Variants in STAG3 observed in about 807,000 individuals in gnomAD.
The protein encoded by STAG3 is STAG3 cohesin complex component.
STAG3 carries 101 observed loss-of-function variants against 160.7 expected under a neutral mutation model. The ratio of observed to expected loss-of-function variants is 0.63; its 90% CI spans 0.54 to 0.74. The LOEUF is 0.74. Ranked by LOEUF, STAG3 falls within the 30% of genes least tolerant of loss-of-function variation. The probability of loss-of-function intolerance (pLI) is 0.00; values close to 1 mark genes in which losing one functional copy is unlikely to be tolerated. For missense variants in STAG3, 1,188 were observed against 1,517.4 expected, an observed-to-expected ratio of 0.78 and a Z score of 3.61; for synonymous variants, 519 against 585.0, an observed-to-expected ratio of 0.89 and a Z score of 1.63.
Position 100,186,244 on chromosome 7 carries a change from T to C in STAG3, c.381T>C (p.Asp127=), listed in dbSNP as rs373083733. ...EWLDSYKQDQ[D]AGFLELVNFF... is the part of the protein sequence containing the mutation. ...TGGATAGCTACAAGCAAGACCAGGA[T>C]GCAGGATTTCTGGAGCTTGTTAACT... The change falls in exon 5 of 34, where the codon GAT becomes GAC. Residue 127 remains aspartate, a synonymous_variant. Transcript: ENST00000615138. 1.9e-6 allele frequency: 3 copies of C among 1,614,182 alleles called. No homozygotes were observed. Among genetic ancestry groups the C allele is most frequent in the Middle Eastern group, 1.6e-4 (1 of 6,062 alleles).
Position 100,201,258 on chromosome 7 carries a change from C to A in STAG3, c.2133-6C>A. 1.2e-6 allele frequency: 2 copies of A among 1,614,112 alleles called. No homozygotes were observed. Among genetic ancestry groups the A allele is most frequent in the Non-Finnish European group, 1.7e-6 (2 of 1,180,008 alleles). On this transcript the variant is annotated splice_region_variant and splice_polypyrimidine_tract_variant and intron_variant, in intron 20 of 33. Coordinates refer to ENST00000615138, the MANE Select transcript of STAG3 (RefSeq NM_001282717.2). The stretch of plus-strand genomic sequence containing the variant: ...CCAGTATAACATTCCCCTTTCTCCC[C>A]CAAAGCACTCATGACCTGACTCGCT...
At position 100,180,525 on chromosome 7, in the gene STAG3, C is replaced by A; in HGVS notation, c.-32C>A. On this transcript the variant is annotated 5_prime_UTR_variant, in exon 2 of 34. Coordinates refer to ENST00000615138, the MANE Select transcript of STAG3 (RefSeq NM_001282717.2). The stretch of plus-strand genomic sequence containing the variant: ...GCCATACCTACCCTGTGGTCCTCAT[C>A]TTCCTGGCCTCATAGCTCCTCCTCT... 7.3e-7 allele frequency: 1 copy of A among 1,367,020 alleles called. No homozygotes were observed. The allele number at this position is 1,367,020 out of a possible 1,614,324, so 84.7% of individuals were successfully genotyped here.
rs945007360 is a variant in STAG3, at chr7:100,189,460, C to T, written c.731C>T (p.Thr244Ile). The T allele has an allele frequency of 1.4e-5, 23 of 1,613,506 alleles. No individual in the cohort carries two copies. The highest frequency in any genetic ancestry group is 1.9e-5 in the Non-Finnish European group (23 of 1,179,892). ...TSTLAAMKLMTSLVKVALQLS... is the reference protein window; with the variant it reads ...TSTLAAMKLMISLVKVALQLS... ...TTTCTCAAAGCTATGAAACTGATGA[C>T]CTCCCTGGTAAAAGTTGCCCTCCAA... Residue 244 changes from threonine (T) to isoleucine (I), a missense_variant, in exon 8 of 34, where the codon ACC (threonine) becomes ATC (isoleucine). Coordinates refer to ENST00000615138, the MANE Select transcript of STAG3 (RefSeq NM_001282717.2).
chr7:100,195,469 C>A, intron 9 of STAG3, 87 bp downstream of exon 9: 2 of 1,281,650 alleles, frequency 1.6e-6, no homozygotes, highest in Non-Finnish European at 2.2e-6. Context: ...CCCTCCAACC[C>A]TTAGTTATTT....
In STAG3 at chr7:100,211,431, C is replaced by T. The variant is rs768243292; in HGVS notation, c.3414-4C>T. On this transcript the variant is annotated splice_polypyrimidine_tract_variant and splice_region_variant and intron_variant, in intron 30 of 33. Transcript: ENST00000615138. The stretch of plus-strand genomic sequence containing the variant: ...TCCCATCATTGATCCTGCTTCATTC[C>T]CAGCAGTCAGCCCGTCGCAGGCACC... 7 of 1,613,072 alleles carry T rather than the reference C, an allele frequency of 4.3e-6. No individual in the cohort carries two copies. The Admixed American group carries it at 1.0e-4, about 23-fold the overall frequency.
chr7:100,199,929 G>A (rs1171057889), intron 16 of STAG3, among the ~76,000 whole-genome samples: 6 of 151,496 alleles, frequency 4.0e-5, no homozygotes, highest in Non-Finnish European at 8.8e-5. Flanking sequence ...AGCTGGGCGT[G>A]GTAGCGGGCA....
chr7:100,185,640 C>A (rs1195252936), intron 4 of STAG3, among the ~76,000 whole-genome samples: 1 of 150,912 alleles, frequency 6.6e-6, no homozygotes, highest in African/African-American at 2.4e-5. Context: ...AAAGATTATT[C>A]TGATTATTCT....
chr7:100,216,329 A>G (rs1390768349), downstream of STAG3, among the ~76,000 whole-genome samples: 2 of 149,110 alleles, frequency 1.3e-5, no homozygotes, highest in East Asian at 3.9e-4. Flanking sequence ...ATAAACATAT[A>G]CTAATTCTTC....
intron 32 of STAG3, 32 bp downstream of exon 32, chr7:100,211,908 G>A: frequency 6.2e-7 from 1 of 1,603,802 alleles, no homozygotes; most frequent in Non-Finnish European, 8.5e-7. Flanking sequence ...TCTCTCTCAA[G>A]AACTAGGGGC....
intron 31 of STAG3, 36 bp downstream of exon 31, chr7:100,211,575 G>A: frequency 6.2e-7 from 1 of 1,605,690 alleles, no homozygotes; most frequent in Non-Finnish European, 8.5e-7. Context: ...CTTCACTTCA[G>A]ATCTGTCGCC....
chr7:100,199,825 G>T (rs1800959114), intron 16 of STAG3, among the ~76,000 whole-genome samples, 181 bp downstream of exon 16: 1 of 151,556 alleles, frequency 6.6e-6, no homozygotes, highest in South Asian at 2.1e-4. Flanking sequence ...GGAGGCTGAG[G>T]CAGGCAGATC....
At position 100,200,314 on chromosome 7, in the gene STAG3, C is replaced by G. The variant is rs1477660478; in HGVS notation, c.1756C>G (p.Gln586Glu). 6.2e-7 allele frequency: 1 copy of G among 1,613,922 alleles called. No homozygotes were observed. The highest frequency in any genetic ancestry group is 2.2e-5 in the East Asian group (1 of 44,854). ...TGAGCACCTCATCCCCCTGCTGCCC[C>G]AGCTCCTGGCCAAGGTACCGCTGCC... ...LTEHLIPLLP[Q>E]LLAKFSADAE... The change falls in exon 17 of 34, where the codon CAG becomes GAG. Residue 586 changes from glutamine (Q) to glutamate (E), a missense_variant. Coordinates refer to ENST00000615138, the MANE Select transcript of STAG3 (RefSeq NM_001282717.2).
At chr7:100,190,083 GTTTTC>G (rs769784220) in intron 8 of STAG3, among the ~76,000 whole-genome samples, 2 of 152,202 alleles carry the variant, frequency 1.3e-5, no homozygotes, top group South Asian at 2.1e-4. Flanking sequence ...CCTCTCTTCA[GTTTTC>G]TTTTCTTTAA....
chr7:100,204,417 T>C (rs904355885), intron 26 of STAG3, among the ~76,000 whole-genome samples: 4 of 152,234 alleles, frequency 2.6e-5, no homozygotes, highest in Non-Finnish European at 4.4e-5. Context: ...TCAGTTACTA[T>C]AGACGTTTTT....
At chr7:100,217,670 T>C (rs1031188671), downstream of STAG3, among the ~76,000 whole-genome samples, 58 of 152,102 alleles carry the variant, frequency 3.8e-4, no homozygotes, top group Non-Finnish European at 7.2e-4. Flanking sequence ...GTGCGAGTCA[T>C]CTCTATCGAT....
chr7:100,201,490 C>T (rs1352344830), intron 21 of STAG3, 139 bp downstream of exon 21: 1 of 710,720 alleles, frequency 1.4e-6, no homozygotes. Flanking sequence ...TGGGGGTCAC[C>T]TCTTACATTC....
intron 1 of STAG3, among the ~76,000 whole-genome samples, chr7:100,179,736 A>ATT (rs1350609767): frequency 6.6e-6 from 1 of 151,634 alleles, no homozygotes; most frequent in Non-Finnish European, 1.5e-5. Context: ...TCTTTGTCTT[A>ATT]TTTATTTATT....
intron 18 of STAG3, 29 bp downstream of exon 18, chr7:100,200,571 T>C (rs758915829): frequency 1.9e-6 from 3 of 1,606,336 alleles, no homozygotes; most frequent in Admixed American, 3.3e-5. Flanking sequence ...TATACCTTGC[T>C]GCTTGCCTGC....
At chr7:100,187,025 GTTTTGTTTTT>G (rs1001314973) in intron 5 of STAG3, among the ~76,000 whole-genome samples, 16 of 151,388 alleles carry the variant, frequency 1.1e-4, no homozygotes, top group South Asian at 6.3e-4. Context: ...TGCTGTCTTT[GTTTTGTTTTT>G]TTTTGTTTTT....
Sources: gnomAD v4.1 joint callset for allele counts (sites outside exome capture counted in the v4.1 genomes callset) on GRCh38, gnomAD v4.1.1 for gene constraint, MANE v1.5 for transcripts, NCBI Gene and HGNC (gene_info 2026-07-23, HGNC 2026-07-21) for gene names.